The following MYMX variants were observed in gnomAD, a reference collection of about 807,000 sequenced individuals.
The protein encoded by MYMX is protein myomixer.
At chr6:44,209,259 T>C in the MYMX span, among the ~76,000 whole-genome samples, 1 of 151,902 alleles carries the variant, frequency 6.6e-6, no homozygotes, top group Admixed American at 6.6e-5. Flanking sequence ...CCACCGTACC[T>C]GGCTTCGTGC....
the MYMX span, among the ~76,000 whole-genome samples, chr6:44,206,602 T>C: frequency 6.6e-6 from 1 of 152,068 alleles, no homozygotes; most frequent in Non-Finnish European, 1.5e-5. Context: ...CACACTAGGG[T>C]TTGGGGATTT....
the MYMX span, among the ~76,000 whole-genome samples, chr6:44,199,450 G>A: frequency 3.9e-5 from 6 of 152,154 alleles, no homozygotes; most frequent in South Asian, 2.1e-4. Context: ...TGCCTGCCTC[G>A]GCCTCCCAAA....
the MYMX span, among the ~76,000 whole-genome samples, chr6:44,204,486 T>C: frequency 2.0e-5 from 3 of 152,192 alleles, no homozygotes; most frequent in African/African-American, 7.2e-5. Context: ...CTTTGGGATA[T>C]TGATTATTTC....
At chr6:44,207,211 T>C in the MYMX span, among the ~76,000 whole-genome samples, 1 of 152,012 alleles carries the variant, frequency 6.6e-6, no homozygotes. Context: ...CAGGCTGGAG[T>C]GCAGTGGTGC....
chr6:44,215,434 G>A (rs9369466), upstream of MYMX, among the ~76,000 whole-genome samples: 18,834 of 151,886 alleles, frequency 0.12, 1,541 homozygotes, highest in East Asian at 0.25. Context: ...AAAAGTAACC[G>A]GGTGTGGTGG....
upstream of MYMX, among the ~76,000 whole-genome samples, chr6:44,213,452 C>T (rs188748212): frequency 7.0e-6 from 1 of 143,182 alleles, no homozygotes; most frequent in South Asian, 2.1e-4. Flanking sequence ...GACGGAGTCT[C>T]GCTCTGTCAC....
the MYMX span, among the ~76,000 whole-genome samples, chr6:44,196,204 G>T: frequency 6.6e-6 from 1 of 152,130 alleles, no homozygotes; most frequent in Non-Finnish European, 1.5e-5. Context: ...GATTATAGGC[G>T]AGAGCCATCA....
At chr6:44,193,814 G>A in the MYMX span, among the ~76,000 whole-genome samples, 1 of 152,100 alleles carries the variant, frequency 6.6e-6, no homozygotes, top group Non-Finnish European at 1.5e-5. Context: ...GTGAAAACCT[G>A]TCTCTACTAA....
At chr6:44,213,822 C>A (rs1775728563), upstream of MYMX, among the ~76,000 whole-genome samples, 1 of 151,126 alleles carries the variant, frequency 6.6e-6, no homozygotes, top group East Asian at 2.0e-4. Context: ...ATTTTTATTT[C>A]TTTTTTGAGA....
the MYMX span, among the ~76,000 whole-genome samples, chr6:44,203,747 A>T: frequency 0.85 from 128,644 of 152,184 alleles, 54,673 homozygotes; most frequent in African/African-American, 0.91. Flanking sequence ...TCTTACAACA[A>T]TTTTTACTAG....
At chr6:44,209,960 T>A in the MYMX span, 2 of 148,186 alleles carry the variant, frequency 1.3e-5, no homozygotes, top group Non-Finnish European at 3.0e-5. Context: ...TTTATTTATT[T>A]ATTTGAGAAG....
At chr6:44,200,942 C>A in the MYMX span, among the ~76,000 whole-genome samples, 2 of 152,224 alleles carry the variant, frequency 1.3e-5, no homozygotes, top group African/African-American at 4.8e-5. Context: ...GCCACCTCCT[C>A]CTCCCTGGCT....
chr6:44,212,120 T>C (rs1371613191), upstream of MYMX, among the ~76,000 whole-genome samples: 1 of 152,068 alleles, frequency 6.6e-6, no homozygotes, highest in African/African-American at 2.4e-5. Flanking sequence ...TGGTGGATCA[T>C]GCCTGTAATT....
the MYMX span, among the ~76,000 whole-genome samples, chr6:44,193,349 G>A: frequency 1.3e-5 from 2 of 151,954 alleles, no homozygotes; most frequent in Admixed American, 1.3e-4. Context: ...GATTACAGGT[G>A]TGAGCCACTG....
At chr6:44,193,149 G>C in the MYMX span, among the ~76,000 whole-genome samples, 1 of 152,006 alleles carries the variant, frequency 6.6e-6, no homozygotes, top group East Asian at 1.9e-4. Context: ...AACACTCAGG[G>C]GAAAATTATA....
At chr6:44,212,407 A>AAATAAAT (rs1775636933), upstream of MYMX, among the ~76,000 whole-genome samples, 2 of 146,352 alleles carry the variant, frequency 1.4e-5, no homozygotes, top group African/African-American at 5.1e-5. Context: ...CCTGTCTCAA[A>AAATAAAT]AAATAAATAA....
chr6:44,203,746 A>G, the MYMX span, among the ~76,000 whole-genome samples: 1 of 151,932 alleles, frequency 6.6e-6, no homozygotes, highest in Non-Finnish European at 1.5e-5. Context: ...TTCTTACAAC[A>G]ATTTTTACTA....
rs112131399 is a variant in MYMX at position 44,217,782 on chromosome 6, T to C, written c.*56T>C. On this transcript the variant is annotated 3_prime_UTR_variant, in exon 2 of 2. Coordinates refer to ENST00000573382, the MANE Select transcript of MYMX (RefSeq NM_001315494.2). ...CAAAATGCTTTCTTTTGGAGTAGGA[T>C]AATCCTGGCACCAGCACTGACCGAA... 5.0e-6 allele frequency: 2 copies of C among 400,866 alleles called. No individual in the cohort carries two copies. Among genetic ancestry groups the C allele is most frequent in the Non-Finnish European group, 4.4e-6 (1 of 226,348 alleles). The allele number at this position is 400,866 out of a possible 1,614,324, so 24.8% of individuals were successfully genotyped here.
At chr6:44,201,563 G>A in the MYMX span, among the ~76,000 whole-genome samples, 3 of 152,146 alleles carry the variant, frequency 2.0e-5, no homozygotes, top group Non-Finnish European at 2.9e-5. Context: ...CACAGCCTCC[G>A]CAGGCCTCCC....
Sources: allele counts gnomAD v4.1 joint callset (sites outside exome capture counted in the v4.1 genomes callset), GRCh38; gene constraint gnomAD v4.1.1; transcripts MANE v1.5; gene names NCBI Gene and HGNC (gene_info 2026-07-23, HGNC 2026-07-21).